Variants in KDM4C observed in about 807,000 individuals in gnomAD.
The protein encoded by KDM4C is lysine demethylase 4C, also known as lysine-specific demethylase 4C.
Under a neutral mutation model 129.3 loss-of-function variants are expected in KDM4C, and 81 were observed. The ratio of observed to expected loss-of-function variants is 0.63; its 90% confidence interval spans 0.52 to 0.75. The LOEUF (loss-of-function observed/expected upper bound fraction) is 0.75, where lower values mean the gene tolerates loss of function less well. Ranked by LOEUF, KDM4C falls within the 30% of genes least tolerant of loss-of-function variation. The probability of loss-of-function intolerance (pLI) is 0.00; values close to 1 mark genes in which losing one functional copy is unlikely to be tolerated. For synonymous variants in KDM4C, 573 were observed against 456.1 expected, an observed-to-expected ratio of 1.26 and a Z score of -3.26; for missense variants, 1,457 against 1,304.0, an observed-to-expected ratio of 1.12 and a Z score of -1.81.
chr9:7,003,068 G>A (rs1050822977), intron 12 of KDM4C, among the ~76,000 whole-genome samples: 1 of 152,142 alleles, frequency 6.6e-6, no homozygotes, highest in African/African-American at 2.4e-5. Context: ...ATTTCACCAT[G>A]TTTGTCAGGC....
chr9:7,103,862 C>T lies in KDM4C; in HGVS notation c.2602C>T (p.Pro868Ser). Residue 868 changes from proline to serine, a missense_variant, in exon 18 of 22, where the codon CCC (proline) becomes TCC (serine). Transcript: ENST00000381309. ...TACATGCTTTCGACATAAGGTCAAC[C>T]CCAACGTGGTAAGATGTGCCCTCCC... Reference protein sequence around the residue: ...NITCFRHKVNPNVKSKACEKV... With the variant: ...NITCFRHKVNSNVKSKACEKV... 6.2e-7 allele frequency: 1 copy of T among 1,613,748 alleles called. No homozygotes were observed. Among genetic ancestry groups the T allele is most frequent in the Non-Finnish European group, 8.5e-7 (1 of 1,179,802 alleles).
intron 7 of KDM4C, among the ~76,000 whole-genome samples, 157 bp downstream of exon 7, chr9:6,888,220 A>G: frequency 6.6e-6 from 1 of 152,344 alleles, no homozygotes; most frequent in Non-Finnish European, 1.5e-5. Flanking sequence ...CTAAATCCTA[A>G]TTAGAAATTA....
chr9:6,806,073 GGTGTGT>G, intron 3 of KDM4C, among the ~76,000 whole-genome samples: 1 of 152,148 alleles, frequency 6.6e-6, no homozygotes, highest in South Asian at 2.1e-4. Flanking sequence ...CAGTTTTTTT[GGTGTGT>G]GTTTGATAAT....
chr9:6,915,545 T>C (rs561031713), intron 8 of KDM4C, among the ~76,000 whole-genome samples: 23 of 152,344 alleles, frequency 1.5e-4, no homozygotes, highest in Non-Finnish European at 2.6e-4. Context: ...ATTTGACACA[T>C]ATTATGCTAT....
At chr9:6,808,696 A>C (rs2131071131) in intron 3 of KDM4C, among the ~76,000 whole-genome samples, 1 of 151,132 alleles carries the variant, frequency 6.6e-6, no homozygotes, top group Non-Finnish European at 1.5e-5. Context: ...TCAATAAAAA[A>C]AAAAAAAAAA....
chr9:6,785,429 C>T lies in KDM4C; in HGVS notation c.-17-7543C>T, dbSNP rs572354643. ...TTGGCTCACTGCAAACTCTGCCTCC[C>T]GGGTTCAAGCGATTCTTCTGCCTCA... On this transcript the variant is annotated intron_variant, in intron 1 of 21. Coordinates refer to ENST00000381309, the MANE Select transcript of KDM4C (RefSeq NM_015061.6). Among the ~76,000 whole-genome samples the T allele has an allele frequency of 3.9e-5, 6 of 152,184 alleles. No homozygotes were observed. In the East Asian group the frequency reaches 7.7e-4, roughly 20 times the overall value.
chr9:7,089,014 G>A (rs956873919), intron 17 of KDM4C, among the ~76,000 whole-genome samples: 3 of 151,944 alleles, frequency 2.0e-5, no homozygotes, highest in Non-Finnish European at 4.4e-5. Context: ...TTGAAGTGGT[G>A]GGGGAAAATT....
chr9:6,937,375 A>G (rs1825012578), intron 8 of KDM4C, among the ~76,000 whole-genome samples: 1 of 152,104 alleles, frequency 6.6e-6, no homozygotes, highest in Non-Finnish European at 1.5e-5. Flanking sequence ...TCTGCTTGTT[A>G]TATATAGTAG....
intron 9 of KDM4C, 82 bp downstream of exon 9, chr9:6,981,200 T>G: frequency 9.2e-7 from 1 of 1,081,442 alleles, no homozygotes; most frequent in South Asian, 1.8e-5. Context: ...GGCAATTTAC[T>G]TGCTTTTTCT....
chr9:6,876,025 G>T (rs1419848658), intron 5 of KDM4C, among the ~76,000 whole-genome samples: 1 of 152,176 alleles, frequency 6.6e-6, no homozygotes, highest in Non-Finnish European at 1.5e-5. Context: ...CTGATCATCA[G>T]GCTGCTGGAG....
At chr9:7,039,124 T>C (rs1021434487) in intron 15 of KDM4C, among the ~76,000 whole-genome samples, 1 of 152,122 alleles carries the variant, frequency 6.6e-6, no homozygotes, top group Non-Finnish European at 1.5e-5. Flanking sequence ...TCCTATATTT[T>C]CTTATAATAC....
chr9:7,146,989 C>T (rs1842277955), intron 19 of KDM4C, among the ~76,000 whole-genome samples: 1 of 152,162 alleles, frequency 6.6e-6, no homozygotes, highest in African/African-American at 2.4e-5. Flanking sequence ...AGGTATATTC[C>T]TGTTGATGGG....
At chr9:6,866,813 G>C (rs983988135) in intron 5 of KDM4C, among the ~76,000 whole-genome samples, 2 of 150,552 alleles carry the variant, frequency 1.3e-5, no homozygotes, top group South Asian at 2.1e-4. Flanking sequence ...CTATTTGCTT[G>C]GAAGTTTTTT....
chr9:6,794,784 G>A (rs1434618417), intron 2 of KDM4C, among the ~76,000 whole-genome samples: 1 of 152,114 alleles, frequency 6.6e-6, no homozygotes, highest in Non-Finnish European at 1.5e-5. Context: ...GGGTGTAAGT[G>A]ACATGCCCCG....
At chr9:6,832,788 T>C (rs1392165108) in intron 4 of KDM4C, among the ~76,000 whole-genome samples, 1 of 145,656 alleles carries the variant, frequency 6.9e-6, no homozygotes, top group Non-Finnish European at 1.5e-5. Context: ...AGTGCAATGG[T>C]GCAATCTCAG....
At chr9:6,856,200 G>A (rs940603013) in intron 5 of KDM4C, among the ~76,000 whole-genome samples, 5 of 152,056 alleles carry the variant, frequency 3.3e-5, no homozygotes, top group Admixed American at 2.6e-4. Context: ...GAACATTAGG[G>A]ATTAGGCAGC....
At chr9:6,747,517 C>T (rs1817921982) in intron 1 of KDM4C, among the ~76,000 whole-genome samples, 1 of 123,004 alleles carries the variant, frequency 8.1e-6, no homozygotes. Context: ...CACTGCACTC[C>T]AACCTGGATG....
upstream of KDM4C, among the ~76,000 whole-genome samples, chr9:6,753,022 G>A (rs1818126022): frequency 6.6e-6 from 1 of 152,160 alleles, no homozygotes; most frequent in Non-Finnish European, 1.5e-5. Context: ...TGAGGAGTCA[G>A]AAATAGCAGC....
At chr9:6,971,035 C>T (rs966425895) in intron 8 of KDM4C, among the ~76,000 whole-genome samples, 6 of 152,044 alleles carry the variant, frequency 3.9e-5, no homozygotes, top group Admixed American at 6.5e-5. Context: ...GTGATGACAG[C>T]GCATTCCTTT....
Sources: gnomAD v4.1 joint callset for allele counts (sites outside exome capture counted in the v4.1 genomes callset) on GRCh38, gnomAD v4.1.1 for gene constraint, MANE v1.5 for transcripts, NCBI Gene and HGNC (gene_info 2026-07-23, HGNC 2026-07-21) for gene names.